DIAPH3: variants seen among roughly 807,000 people sequenced by gnomAD.
DIAPH3 encodes the protein protein diaphanous homolog 3.
In DIAPH3, 117 loss-of-function variants were observed where a neutral mutation model predicts 144.3. The ratio of observed to expected loss-of-function variants is 0.81; its 90% CI spans 0.70 to 0.95. DIAPH3 has a LOEUF of 0.95. DIAPH3 is among the 40% of genes least tolerant of loss of function. DIAPH3 has a pLI of 0.00. For missense variants in DIAPH3, 1,421 were observed against 1,412.7 expected (o/e 1.01, Z -0.09); for synonymous variants, 519 against 488.9 (o/e 1.06, Z -0.81).
rs2047930835 is a variant in DIAPH3 at position 59,929,693 on chromosome 13, G to A, written c.2075-4823C>T. On this transcript the variant is annotated intron_variant, in intron 17 of 27. Transcript: ENST00000400324. ...TTCTCCTGCCTCGGCCTCCTGAGTA[G>A]CTGGGATTTACAGGCTCATGCCATT... is the stretch of plus-strand genomic sequence containing the variant. Among the ~76,000 whole-genome samples the A allele has an allele frequency of 5.3e-5, 8 of 149,886 alleles. No homozygotes were observed. The South Asian group carries it at 1.7e-3, about 32-fold the overall frequency.
At chr13:60,046,918 GAAC>G (rs774504206) in intron 4 of DIAPH3, among the ~76,000 whole-genome samples, 1 of 151,570 alleles carries the variant, frequency 6.6e-6, no homozygotes, top group Non-Finnish European at 1.5e-5. Flanking sequence ...AGTTGGAGTT[GAAC>G]AACGAGAACA....
intron 20 of DIAPH3, among the ~76,000 whole-genome samples, chr13:59,906,442 C>CGG (rs1163877601): frequency 6.6e-6 from 1 of 152,056 alleles, no homozygotes; most frequent in Non-Finnish European, 1.5e-5. Context: ...TAGTGGGATA[C>CGG]GGGGGACATC....
At chr13:59,890,839 T>A (rs957177440) in intron 20 of DIAPH3, among the ~76,000 whole-genome samples, 4 of 151,886 alleles carry the variant, frequency 2.6e-5, no homozygotes, top group African/African-American at 9.7e-5. Context: ...CACCAAATTT[T>A]CACATTTGTA....
intron 27 of DIAPH3, among the ~76,000 whole-genome samples, chr13:59,676,438 T>C (rs918249537): frequency 3.9e-5 from 6 of 152,202 alleles, no homozygotes; most frequent in Admixed American, 3.9e-4. Flanking sequence ...CCTTCAAATA[T>C]TTGAAGACAG....
At chr13:59,935,476 C>T (rs1469969655) in intron 17 of DIAPH3, among the ~76,000 whole-genome samples, 1 of 151,932 alleles carries the variant, frequency 6.6e-6, no homozygotes, top group Non-Finnish European at 1.5e-5. Flanking sequence ...TGAGAGTTAA[C>T]AATATAGGTG....
rs915097200 is a variant in DIAPH3 at position 59,670,758 on chromosome 13, C to T, written c.3320-3912G>A. The stretch of plus-strand genomic sequence containing the variant: ...CCACCACGCCCGGCTAATTTTTTTG[C>T]ATTTTTAGTAAAGACGGGGTTTCAC... On this transcript the variant is annotated intron_variant, in intron 27 of 27. Coordinates refer to ENST00000400324, the MANE Select transcript of DIAPH3 (RefSeq NM_001042517.2). 1.8e-4 allele frequency among the ~76,000 whole-genome samples: 28 copies of T among 152,000 alleles called. No homozygotes were observed. In the East Asian group the frequency reaches 2.1e-3, roughly 12 times the overall value.
At chr13:60,036,604 A>G (rs1016397381) in intron 5 of DIAPH3, among the ~76,000 whole-genome samples, 2 of 152,152 alleles carry the variant, frequency 1.3e-5, no homozygotes, top group Non-Finnish European at 2.9e-5. Context: ...AAGAGAAAAG[A>G]AATACACCCA....
intron 27 of DIAPH3, among the ~76,000 whole-genome samples, chr13:59,765,421 T>C (rs574773331): frequency 6.6e-6 from 1 of 152,314 alleles, no homozygotes; most frequent in South Asian, 2.1e-4. Context: ...TCTGGGCACC[T>C]TCATACACTT....
chr13:59,980,006 T>C (rs1410716990), intron 14 of DIAPH3, among the ~76,000 whole-genome samples: 2 of 151,706 alleles, frequency 1.3e-5, no homozygotes, highest in Non-Finnish European at 3.0e-5. Flanking sequence ...TTATGCCTAC[T>C]GTTCCATTAT....
intron 18 of DIAPH3, among the ~76,000 whole-genome samples, chr13:59,920,801 C>T (rs1001771520): frequency 6.6e-6 from 1 of 151,770 alleles, no homozygotes; most frequent in Non-Finnish European, 1.5e-5. Flanking sequence ...CTTCTCTCAA[C>T]TGCACATGGA....
intron 20 of DIAPH3, among the ~76,000 whole-genome samples, chr13:59,902,128 A>T (rs185485859): frequency 2.0e-5 from 3 of 152,192 alleles, no homozygotes; most frequent in African/African-American, 7.2e-5. Flanking sequence ...ACTGTTAAAC[A>T]TGTAAAGAAA....
chr13:60,130,816 T>G (rs555526033), intron 2 of DIAPH3, among the ~76,000 whole-genome samples: 3 of 152,166 alleles, frequency 2.0e-5, no homozygotes, highest in African/African-American at 7.2e-5. Context: ...AACTCAAAAG[T>G]TTTTACCTTA....
intron 1 of DIAPH3, among the ~76,000 whole-genome samples, chr13:60,143,113 T>A (rs1192496284): frequency 2.0e-5 from 3 of 152,036 alleles, no homozygotes; most frequent in Non-Finnish European, 4.4e-5. Context: ...CAACCTACCT[T>A]GGTTTCTGTT....
At chr13:60,120,358 C>T (rs2058815776) in intron 2 of DIAPH3, among the ~76,000 whole-genome samples, 1 of 152,192 alleles carries the variant, frequency 6.6e-6, no homozygotes, top group Non-Finnish European at 1.5e-5. Context: ...CACCCAGGAA[C>T]AATTCCTACC....
At chr13:59,916,903 CA>C (rs1842152604) in intron 18 of DIAPH3, among the ~76,000 whole-genome samples, 1 of 152,058 alleles carries the variant, frequency 6.6e-6, no homozygotes, top group Admixed American at 6.6e-5. Flanking sequence ...GAATTCTAAA[CA>C]TCTTTCTTGA....
intron 9 of DIAPH3, among the ~76,000 whole-genome samples, chr13:59,998,170 C>T (rs1035478300): frequency 6.6e-6 from 1 of 151,966 alleles, no homozygotes; most frequent in Non-Finnish European, 1.5e-5. Flanking sequence ...TGCATATACC[C>T]CACATTGACT....
chr13:60,157,261 C>T (rs991779531), intron 1 of DIAPH3, among the ~76,000 whole-genome samples: 3 of 152,120 alleles, frequency 2.0e-5, no homozygotes, highest in Admixed American at 2.0e-4. Context: ...TATATTCTTG[C>T]TCTGCCATAT....
chr13:59,706,934 A>C (rs1483073685), intron 27 of DIAPH3, among the ~76,000 whole-genome samples: 2 of 152,242 alleles, frequency 1.3e-5, no homozygotes, highest in East Asian at 3.8e-4. Flanking sequence ...TTATAGTAAT[A>C]ACACATATTT....
intron 21 of DIAPH3, among the ~76,000 whole-genome samples, chr13:59,877,039 C>T (rs1007012712): frequency 9.2e-5 from 14 of 152,088 alleles, no homozygotes; most frequent in African/African-American, 2.9e-4. Context: ...ACCCTTCTGC[C>T]GTTACCTTAG....
Sources: allele counts gnomAD v4.1 joint callset (sites outside exome capture counted in the v4.1 genomes callset), GRCh38; gene constraint gnomAD v4.1.1; transcripts MANE v1.5; gene names NCBI Gene and HGNC (gene_info 2026-07-23, HGNC 2026-07-21).